The following XPR1 variants were observed in gnomAD, a reference collection of about 807,000 sequenced individuals.
XPR1 encodes the protein xenotropic and polytropic retrovirus receptor 1, also known as solute carrier family 53 member 1.
Under a neutral mutation model 87.5 loss-of-function variants are expected in XPR1, and 28 were observed. The observed-to-expected ratio is 0.32, with a 90% CI of 0.24 to 0.44. The LOEUF (loss-of-function observed/expected upper bound fraction) is 0.44. XPR1 is among the 20% of genes least tolerant of loss of function. The probability of loss-of-function intolerance (pLI) is 1.00; values close to 1 mark genes in which losing one functional copy is unlikely to be tolerated. For synonymous variants in XPR1, 300 were observed against 306.1 expected, an observed-to-expected ratio of 0.98 and a Z score of 0.21; for missense variants, 559 against 862.3, an observed-to-expected ratio of 0.65 and a Z score of 4.41.
At chr1:180,696,389 A>G (rs1181915596) in intron 2 of XPR1, among the ~76,000 whole-genome samples, 1 of 151,904 alleles carries the variant, frequency 6.6e-6, no homozygotes, top group Non-Finnish European at 1.5e-5. Context: ...GTTTTTCTAT[A>G]TCTAAGATCA....
rs7516696 is a variant in XPR1, at chr1:180,708,577, C to T, written c.121+26166C>T. ...AAATTTTTTAGTGGAGATTTTATTG[C>T]AAGGTGATTTTTTTTTTTAACCTAT... On this transcript the variant is annotated intron_variant, in intron 2 of 14. Coordinates refer to ENST00000367590, the MANE Select transcript of XPR1 (RefSeq NM_004736.4). 6.5e-3 allele frequency among the ~76,000 whole-genome samples: 978 copies of T among 149,434 alleles called. 6 individuals carry two copies. Among genetic ancestry groups the T allele is most frequent in the African/African-American group, 0.023 (888 of 39,244 alleles).
chr1:180,804,048 C>T (rs1381194931), intron 4 of XPR1, among the ~76,000 whole-genome samples: 4 of 151,700 alleles, frequency 2.6e-5, no homozygotes, highest in African/African-American at 9.7e-5. Context: ...TAAAATGACA[C>T]GATCTCGGCT....
At chr1:180,821,822 A>G (rs950059622) in intron 7 of XPR1, among the ~76,000 whole-genome samples, 5 of 152,122 alleles carry the variant, frequency 3.3e-5, no homozygotes, top group East Asian at 1.9e-4. Context: ...TCTTAATTTC[A>G]TTTTCAGATT....
At chr1:180,780,059 T>A (rs554369142) in intron 2 of XPR1, among the ~76,000 whole-genome samples, 1 of 152,348 alleles carries the variant, frequency 6.6e-6, no homozygotes, top group East Asian at 1.9e-4. Context: ...TACATTTTGT[T>A]TATCCATTTA....
At chr1:180,816,016 C>T (rs959652694) in intron 7 of XPR1, among the ~76,000 whole-genome samples, 2 of 152,112 alleles carry the variant, frequency 1.3e-5, no homozygotes, top group African/African-American at 4.8e-5. Context: ...CTCAAATATT[C>T]ATAAATTGAT....
intron 2 of XPR1, among the ~76,000 whole-genome samples, chr1:180,784,990 GT>G (rs1319291715): frequency 1.2e-5 from 1 of 86,662 alleles, no homozygotes; most frequent in African/African-American, 3.6e-5. Context: ...TCGCCTGTTA[GT>G]TTTTTTCGTG....
chr1:180,782,109 G>A (rs1648966276), intron 2 of XPR1, among the ~76,000 whole-genome samples: 1 of 151,940 alleles, frequency 6.6e-6, no homozygotes, highest in South Asian at 2.1e-4. Flanking sequence ...GAATCTCTAA[G>A]ACAGTGTTCT....
chr1:180,820,423 A>G lies in XPR1; in HGVS notation c.764-4330A>G, dbSNP rs954371531. Among the ~76,000 whole-genome samples, 15 of 152,184 alleles carry G rather than the reference A, an allele frequency of 9.9e-5. No individual in the cohort carries two copies. The South Asian group carries it at 2.3e-3, about 23-fold the overall frequency. On this transcript the variant is annotated intron_variant, in intron 7 of 14. Coordinates refer to ENST00000367590, the MANE Select transcript of XPR1 (RefSeq NM_004736.4). Reference sequence around the variant, plus strand: ...TCTTTTAGTTGGCGTAATGTTTTCAAGGTTCATCCATGTTGTAGCATGTAT... The same window carrying G: ...TCTTTTAGTTGGCGTAATGTTTTCAGGGTTCATCCATGTTGTAGCATGTAT...
chr1:180,694,773 GCACACACACACA>G (rs56118040), intron 2 of XPR1, among the ~76,000 whole-genome samples: 3 of 149,506 alleles, frequency 2.0e-5, no homozygotes, highest in Non-Finnish European at 4.5e-5. Flanking sequence ...ATTGTTGTGT[GCACACACACACA>G]CACACACACA....
intron 11 of XPR1, among the ~76,000 whole-genome samples, chr1:180,841,164 G>A (rs1461534510): frequency 6.6e-6 from 1 of 151,952 alleles, no homozygotes; most frequent in Non-Finnish European, 1.5e-5. Flanking sequence ...GCAGGGTACC[G>A]AAAGAACCCC....
At chr1:180,815,519 T>C (rs1231594619) in intron 7 of XPR1, among the ~76,000 whole-genome samples, 1 of 152,156 alleles carries the variant, frequency 6.6e-6, no homozygotes, top group Non-Finnish European at 1.5e-5. Flanking sequence ...AGCACGATTC[T>C]TTTTTTCAAA....
At chr1:180,838,479 G>C (rs1029323259) in intron 11 of XPR1, among the ~76,000 whole-genome samples, 1 of 152,120 alleles carries the variant, frequency 6.6e-6, no homozygotes, top group Non-Finnish European at 1.5e-5. Context: ...TCAAATCTGT[G>C]AACAGTCCAA....
At chr1:180,759,846 A>G (rs538184460) in intron 2 of XPR1, among the ~76,000 whole-genome samples, 14 of 152,362 alleles carry the variant, frequency 9.2e-5, no homozygotes, top group Admixed American at 8.5e-4. Flanking sequence ...CTTCATGAAC[A>G]TTGATGCAAA....
intron 14 of XPR1, among the ~76,000 whole-genome samples, chr1:180,883,739 C>A (rs999862117): frequency 6.6e-6 from 1 of 150,850 alleles, no homozygotes; most frequent in East Asian, 1.9e-4. Flanking sequence ...AGTCAGTACT[C>A]AAACCCAGAT....
intron 2 of XPR1, among the ~76,000 whole-genome samples, chr1:180,754,889 C>T (rs75289447): frequency 6.6e-6 from 1 of 151,740 alleles, no homozygotes; most frequent in Non-Finnish European, 1.5e-5. Context: ...GTCCGAAAGC[C>T]GAGCACATGG....
intron 2 of XPR1, among the ~76,000 whole-genome samples, chr1:180,782,929 TG>T (rs1236310254): frequency 6.6e-6 from 1 of 151,970 alleles, no homozygotes. Context: ...ATAACAATAT[TG>T]GGCTCGTTGA....
intron 14 of XPR1, among the ~76,000 whole-genome samples, chr1:180,883,441 A>G (rs1652906022): frequency 6.6e-6 from 1 of 151,976 alleles, no homozygotes; most frequent in Non-Finnish European, 1.5e-5. Flanking sequence ...AGGTGCAGTG[A>G]CTCACACCTG....
intron 13 of XPR1, among the ~76,000 whole-genome samples, chr1:180,875,668 T>C (rs1470936958): frequency 6.6e-6 from 1 of 151,668 alleles, no homozygotes; most frequent in Non-Finnish European, 1.5e-5. Context: ...TAAGAAAGAT[T>C]TAAAAAACAG....
At chr1:180,694,784 C>T (rs1323735869) in intron 2 of XPR1, among the ~76,000 whole-genome samples, 1 of 151,144 alleles carries the variant, frequency 6.6e-6, no homozygotes, top group Non-Finnish European at 1.5e-5. Flanking sequence ...CACACACACA[C>T]ACACACACAC....
Sources: gnomAD v4.1 joint callset for allele counts (sites outside exome capture counted in the v4.1 genomes callset) on GRCh38, gnomAD v4.1.1 for gene constraint, MANE v1.5 for transcripts, NCBI Gene and HGNC (gene_info 2026-07-23, HGNC 2026-07-21) for gene names.